Variants in APP observed in about 807,000 individuals in gnomAD.
The protein encoded by APP is amyloid beta precursor protein.
In APP, 31 loss-of-function variants were observed where a neutral mutation model predicts 101.4. The ratio of observed to expected loss-of-function variants is 0.31; its 90% CI spans 0.23 to 0.41. The LOEUF is 0.41. APP is among the 10% of genes least tolerant of loss of function. The probability of loss-of-function intolerance (pLI) is 1.00; values close to 1 mark genes in which losing one functional copy is unlikely to be tolerated. For synonymous variants in APP, 366 were observed against 364.4 expected (o/e 1.00, Z -0.05); for missense variants, 839 against 1,003.7 (o/e 0.84, Z 2.22).
chr21:26,105,581 C>A (rs965032924), intron 2 of APP, among the ~76,000 whole-genome samples: 1 of 151,344 alleles, frequency 6.6e-6, no homozygotes, highest in Non-Finnish European at 1.5e-5. Flanking sequence ...TCCAAGCCTA[C>A]AAATGAGAAC....
chr21:25,962,538 G>C (rs952589994), intron 11 of APP, among the ~76,000 whole-genome samples: 5 of 152,146 alleles, frequency 3.3e-5, no homozygotes, highest in Non-Finnish European at 1.5e-5. Flanking sequence ...TCTCTACTCA[G>C]AATAGTGGCC....
intron 17 of APP, among the ~76,000 whole-genome samples, chr21:25,884,665 C>T (rs189093602): frequency 6.6e-6 from 1 of 152,242 alleles, no homozygotes; most frequent in East Asian, 1.9e-4. Flanking sequence ...CCCATCACCT[C>T]GAAACTGAGA....
chr21:26,124,772 A>G (rs1470803670), intron 1 of APP, among the ~76,000 whole-genome samples: 2 of 152,244 alleles, frequency 1.3e-5, no homozygotes, highest in Non-Finnish European at 2.9e-5. Flanking sequence ...CCCACTCTAC[A>G]CAGATAAGAT....
At chr21:25,944,083 A>G (rs970433049) in intron 13 of APP, among the ~76,000 whole-genome samples, 1 of 151,974 alleles carries the variant, frequency 6.6e-6, no homozygotes, top group East Asian at 1.9e-4. Flanking sequence ...ACAAGACAAT[A>G]CAAGTTGTTG....
intron 2 of APP, among the ~76,000 whole-genome samples, chr21:26,109,682 T>A (rs2062267198): frequency 6.7e-6 from 1 of 148,820 alleles, no homozygotes; most frequent in Admixed American, 6.7e-5. Context: ...GATCTCTAAG[T>A]GAAACGGGAA....
intron 16 of APP, among the ~76,000 whole-genome samples, chr21:25,892,319 C>T (rs1014331327): frequency 7.2e-5 from 11 of 152,140 alleles, no homozygotes; most frequent in African/African-American, 1.2e-4. Flanking sequence ...GCACTCTGAG[C>T]CCTGATGTGT....
chr21:25,911,000 G>C (rs758616043), intron 14 of APP, among the ~76,000 whole-genome samples: 1 of 152,030 alleles, frequency 6.6e-6, no homozygotes, highest in South Asian at 2.1e-4. Flanking sequence ...TTTTTGGAAG[G>C]TGGCATTCTA....
intron 3 of APP, among the ~76,000 whole-genome samples, chr21:26,075,146 A>C (rs569748253): frequency 6.6e-6 from 1 of 152,194 alleles, no homozygotes; most frequent in East Asian, 1.9e-4. Context: ...TCCTTTTCCA[A>C]TATTTGGCTA....
At chr21:26,149,896 ACACCCCAG>A (rs947463209) in intron 1 of APP, among the ~76,000 whole-genome samples, 3 of 152,146 alleles carry the variant, frequency 2.0e-5, no homozygotes, top group Non-Finnish European at 4.4e-5. Context: ...GCTTCTTCCA[ACACCCCAG>A]CATGCTCCCA....
rs190685835 is a variant in APP, at chr21:26,103,494, A to C, written c.225+8485T>G. 6.3e-3 allele frequency among the ~76,000 whole-genome samples: 957 copies of C among 152,074 alleles called. 5 individuals carry two copies. The highest frequency in any genetic ancestry group is 9.4e-3 in the Non-Finnish European group (638 of 67,962). On this transcript the variant is annotated intron_variant, in intron 2 of 17. Transcript: ENST00000346798. The stretch of plus-strand genomic sequence containing the variant: ...GTGCACCTTGTAATCCCAGCTACTC[A>C]GGAGGCTGAGGCATGAGAATCACTT...
rs575097229 is a variant in APP at position 26,127,501 on chromosome 21, C to A, written c.58-15355G>T. 2.0e-5 allele frequency among the ~76,000 whole-genome samples: 3 copies of A among 152,200 alleles called. No homozygotes were observed. In the South Asian group the frequency reaches 6.2e-4, roughly 32 times the overall value. The stretch of plus-strand genomic sequence containing the variant: ...TAACTAAAAAAATTATTGCTAGAAA[C>A]CTCTCTATGTCTTGTATCTGCAACT... On this transcript the variant is annotated intron_variant, in intron 1 of 17. Coordinates refer to ENST00000346798, the MANE Select transcript of APP (RefSeq NM_000484.4).
intron 11 of APP, among the ~76,000 whole-genome samples, chr21:25,958,337 C>T (rs190636544): frequency 3.3e-5 from 5 of 152,116 alleles, no homozygotes; most frequent in African/African-American, 7.2e-5. Context: ...AGTGCAGTGG[C>T]GTGATCTTGG....
chr21:25,961,255 T>C (rs1309380407), intron 11 of APP, among the ~76,000 whole-genome samples: 1 of 152,184 alleles, frequency 6.6e-6, no homozygotes, highest in Admixed American at 6.5e-5. Context: ...CAAACCAATG[T>C]ACTTCTTATA....
chr21:25,945,208 C>T (rs921466576), intron 13 of APP, among the ~76,000 whole-genome samples: 3 of 152,112 alleles, frequency 2.0e-5, no homozygotes, highest in African/African-American at 7.2e-5. Flanking sequence ...TGATAGCATG[C>T]TAAATCAGTT....
chr21:25,955,653 T>G lies in APP; in HGVS notation c.1561A>C (p.Lys521Gln), dbSNP rs2041283768. Residue 521 changes from lysine (K) to glutamine (Q), a missense_variant, in exon 12 of 18, where the codon AAG becomes CAG. Coordinates refer to ENST00000346798, the MANE Select transcript of APP (RefSeq NM_000484.4). Reference sequence around the variant, plus strand: ...TGGGACCGGATCTGAGCGGCTTTCTTGGGATCCACCATGCGCACATGCTCG... The same window carrying G: ...TGGGACCGGATCTGAGCGGCTTTCTGGGGATCCACCATGCGCACATGCTCG... ...HFEHVRMVDP[K>Q]KAAQIRSQVM... 1 of 1,614,178 alleles carries G rather than the reference T, an allele frequency of 6.2e-7. No homozygotes were observed. Among genetic ancestry groups the G allele is most frequent in the Non-Finnish European group, 8.5e-7 (1 of 1,180,028 alleles).
intron 14 of APP, among the ~76,000 whole-genome samples, chr21:25,907,341 T>C (rs1026138851): frequency 1.3e-5 from 2 of 152,210 alleles, no homozygotes; most frequent in African/African-American, 2.4e-5. Context: ...TAAAAGTTTT[T>C]TAAAAGGCAA....
chr21:25,929,563 A>T (rs1366597878), intron 13 of APP, among the ~76,000 whole-genome samples: 1 of 152,170 alleles, frequency 6.6e-6, no homozygotes, highest in African/African-American at 2.4e-5. Context: ...CATGAGGAAG[A>T]ATTCTCCAGT....
chr21:26,112,116 C>A lies in APP; in HGVS notation c.88G>T (p.Ala30Ser). The A allele has an allele frequency of 6.2e-7, 1 of 1,614,076 alleles. No individual in the cohort carries two copies. Among genetic ancestry groups the A allele is most frequent in the Non-Finnish European group, 8.5e-7 (1 of 1,179,990 alleles). The change falls in exon 2 of 18, where the codon GCT (alanine) becomes TCT (serine). Residue 30 changes from alanine (A) to serine (S), a missense_variant. Physicochemically the swap from Ala to Ser is moderately conservative, Grantham distance 99. Transcript: ENST00000346798. ...CAGAACATGGCAATCTGGGGTTCAG[C>A]CAGCAGGCCAGCATTACCATCAGTG... ...VPTDGNAGLL[A>S]EPQIAMFCGR...
chr21:26,014,831 G>A (rs965214331), intron 6 of APP, among the ~76,000 whole-genome samples: 1 of 152,100 alleles, frequency 6.6e-6, no homozygotes. Flanking sequence ...AGCAATATTC[G>A]GATCAAACCT....
Sources: allele counts gnomAD v4.1 joint callset (sites outside exome capture counted in the v4.1 genomes callset), GRCh38; gene constraint gnomAD v4.1.1; transcripts MANE v1.5; gene names NCBI Gene and HGNC (gene_info 2026-07-23, HGNC 2026-07-21).